GUCY1A2: variants seen among roughly 807,000 people sequenced by gnomAD.
The protein encoded by GUCY1A2 is guanylate cyclase soluble subunit alpha-2.
GUCY1A2 carries 27 observed loss-of-function variants against 63.5 expected under a neutral mutation model. That is an observed-to-expected ratio of 0.43 (90% CI 0.31 to 0.59). GUCY1A2 has a LOEUF of 0.59. Ranked by LOEUF, GUCY1A2 falls within the 20% of genes least tolerant of loss-of-function variation. The probability of loss-of-function intolerance (pLI) is 0.11; values close to 1 mark genes in which losing one functional copy is unlikely to be tolerated. For synonymous variants in GUCY1A2, 364 were observed against 343.5 expected, an observed-to-expected ratio of 1.06 and a Z score of -0.66; for missense variants, 768 against 913.3, an observed-to-expected ratio of 0.84 and a Z score of 2.05.
chr11:106,674,514 T>G lies in GUCY1A2; in HGVS notation c.*13035A>C, dbSNP rs1186962631. On this transcript the variant is annotated 3_prime_UTR_variant, in exon 8 of 8. Transcript: ENST00000526355. The stretch of plus-strand genomic sequence containing the variant: ...TAATATGAAATACCAAATGAAACTT[T>G]TTTAAAATTAATGGTACAGGTTTAA... 1 of 179,044 alleles carries G rather than the reference T, an allele frequency of 5.6e-6. No individual in the cohort carries two copies. The highest frequency in any genetic ancestry group is 1.2e-5 in the Non-Finnish European group (1 of 83,694). 11.1% of individuals were successfully genotyped at this position (179,044 alleles called of 1,614,324 possible).
chr11:106,809,058 C>T (rs1451456027), intron 5 of GUCY1A2, among the ~76,000 whole-genome samples: 5 of 152,044 alleles, frequency 3.3e-5, no homozygotes, highest in African/African-American at 1.2e-4. Flanking sequence ...CAAGAAGACA[C>T]ACCTTCATAA....
intron 4 of GUCY1A2, among the ~76,000 whole-genome samples, chr11:106,932,184 C>A (rs901457598): frequency 7.2e-5 from 11 of 152,038 alleles, no homozygotes; most frequent in African/African-American, 2.4e-4. Flanking sequence ...AAAATCTGAT[C>A]TCCAATAGGA....
chr11:106,726,243 C>T (rs1369382274), intron 6 of GUCY1A2, among the ~76,000 whole-genome samples: 2 of 151,940 alleles, frequency 1.3e-5, no homozygotes, highest in African/African-American at 4.8e-5. Context: ...GGTAAAACCT[C>T]GTCTCTACTA....
intron 3 of GUCY1A2, among the ~76,000 whole-genome samples, chr11:106,958,245 GACT>G (rs1362881769): frequency 6.6e-6 from 1 of 152,140 alleles, no homozygotes; most frequent in Non-Finnish European, 1.5e-5. Flanking sequence ...ATGAGAACTT[GACT>G]GATAACCAGT....
intron 6 of GUCY1A2, among the ~76,000 whole-genome samples, chr11:106,755,018 A>G (rs1251243021): frequency 6.6e-6 from 1 of 152,046 alleles, no homozygotes; most frequent in African/African-American, 2.4e-5. Context: ...TTATTGCCTC[A>G]ATTTGAGAAA....
At position 107,013,592 on chromosome 11, in the gene GUCY1A2, G is replaced by A. The variant is rs141341550; in HGVS notation, c.303+4161C>T. 6.8e-4 allele frequency among the ~76,000 whole-genome samples: 103 copies of A among 152,248 alleles called. No individual in the cohort carries two copies. The Middle Eastern group carries it at 0.017, about 25-fold the overall frequency. On this transcript the variant is annotated intron_variant, in intron 1 of 7. Transcript: ENST00000526355. ...AGACAGAGTCTCGCTGTCACCCAGG[G>A]TCTGGAGTGCAGTGGTGTGATCTCA...
intron 1 of GUCY1A2, among the ~76,000 whole-genome samples, chr11:107,016,217 G>C (rs1861821468): frequency 6.6e-6 from 1 of 152,218 alleles, no homozygotes; most frequent in African/African-American, 2.4e-5. Context: ...TCAGTGTTCA[G>C]ATTCATTTCG....
chr11:106,831,425 C>T (rs780353879), intron 4 of GUCY1A2, among the ~76,000 whole-genome samples: 10 of 152,084 alleles, frequency 6.6e-5, no homozygotes, highest in African/African-American at 9.6e-5. Context: ...TGCCCCAAGA[C>T]GGGTAAAGGA....
Position 106,859,917 on chromosome 11 carries a change from G to GATA in GUCY1A2, c.1207-49440_1207-49439insTAT, listed in dbSNP as rs1859486283. ...TGTGTAAGTATACTCTATGATACTT[G>GATA]CACAATGATGAAATCACCTAAAAAT... On this transcript the variant is annotated intron_variant, in intron 4 of 7. Coordinates refer to ENST00000526355, the MANE Select transcript of GUCY1A2 (RefSeq NM_000855.3). Among the ~76,000 whole-genome samples the GATA allele has an allele frequency of 1.3e-4, 20 of 151,958 alleles. No homozygotes were observed. The South Asian group carries it at 4.1e-3, about 31-fold the overall frequency.
At chr11:106,762,978 T>G (rs1864090956) in intron 6 of GUCY1A2, among the ~76,000 whole-genome samples, 1 of 152,112 alleles carries the variant, frequency 6.6e-6, no homozygotes, top group Admixed American at 6.6e-5. Context: ...ACCAAATATA[T>G]AAGTGAGAAT....
rs1862368892 is a variant in GUCY1A2 at position 106,677,717 on chromosome 11, G to A, written c.*9832C>T. On this transcript the variant is annotated 3_prime_UTR_variant, in exon 8 of 8. Transcript: ENST00000526355. ...ACCATCTATTTTCAGCTTGCCTCTA[G>A]GTTAACAGGATTAGACAACAGACCT... is the stretch of plus-strand genomic sequence containing the variant. The A allele has an allele frequency of 4.7e-6, 1 of 210,592 alleles. No individual in the cohort carries two copies. Among genetic ancestry groups the A allele is most frequent in the East Asian group, 7.1e-5 (1 of 14,182 alleles). The allele number at this position is 210,592 out of a possible 1,614,324, so 13.0% of individuals were successfully genotyped here.
rs185189465 is a variant in GUCY1A2, at chr11:106,969,218, A to G, written c.487+9401T>C. Among the ~76,000 whole-genome samples, 6 of 152,308 alleles carry G rather than the reference A, an allele frequency of 3.9e-5. No homozygotes were observed. The Middle Eastern group carries it at 0.01, about 259-fold the overall frequency. The stretch of plus-strand genomic sequence containing the variant: ...TTAATTTAAATAAATTACAATAGAA[A>G]TGCTGTCAAAAGTACTTAAAATTGA... On this transcript the variant is annotated intron_variant, in intron 3 of 7. Transcript: ENST00000526355.
intron 6 of GUCY1A2, among the ~76,000 whole-genome samples, chr11:106,744,624 T>G (rs960109729): frequency 1.3e-5 from 2 of 152,198 alleles, no homozygotes; most frequent in African/African-American, 4.8e-5. Context: ...TGTCTTATAA[T>G]AAGTTTGTTT....
intron 4 of GUCY1A2, among the ~76,000 whole-genome samples, chr11:106,873,469 G>C (rs1313434232): frequency 6.6e-6 from 1 of 152,104 alleles, no homozygotes; most frequent in Non-Finnish European, 1.5e-5. Flanking sequence ...ATTTTGACTG[G>C]TATGAGATGG....
rs1468082598 is a variant in GUCY1A2, at chr11:106,680,054, A to G, written c.*7495T>C. On this transcript the variant is annotated 3_prime_UTR_variant, in exon 8 of 8. Transcript: ENST00000526355. ...TAAACCAGAGGTGTTTGTTACGGAAATTGCCTCTCCTTTAAGAGTCTCTAC... is the reference window on the plus strand; with the variant it reads ...TAAACCAGAGGTGTTTGTTACGGAAGTTGCCTCTCCTTTAAGAGTCTCTAC... 4 of 215,474 alleles carry G rather than the reference A, an allele frequency of 1.9e-5. No individual in the cohort carries two copies. Among genetic ancestry groups the G allele is most frequent in the Non-Finnish European group, 3.7e-5 (4 of 106,852 alleles). 13.3% of individuals were successfully genotyped at this position (215,474 alleles called of 1,614,324 possible).
intron 4 of GUCY1A2, among the ~76,000 whole-genome samples, chr11:106,855,442 A>T (rs1394328969): frequency 1.3e-5 from 2 of 151,822 alleles, no homozygotes; most frequent in East Asian, 3.9e-4. Context: ...TAGATACTCT[A>T]TTCAATGTGT....
intron 3 of GUCY1A2, among the ~76,000 whole-genome samples, chr11:106,964,071 C>A (rs184050388): frequency 5.3e-5 from 8 of 151,456 alleles, no homozygotes; most frequent in Admixed American, 2.0e-4. Flanking sequence ...ACACACACAC[C>A]CACACATCAT....
intron 6 of GUCY1A2, among the ~76,000 whole-genome samples, chr11:106,762,807 GTTTTC>G (rs1170948623): frequency 1.3e-5 from 2 of 151,976 alleles, no homozygotes; most frequent in African/African-American, 4.8e-5. Context: ...TGCCAGTATA[GTTTTC>G]TTTTATGGTC....
At chr11:106,699,938 C>CG (rs1190551447) in intron 7 of GUCY1A2, among the ~76,000 whole-genome samples, 1 of 151,886 alleles carries the variant, frequency 6.6e-6, no homozygotes, top group Non-Finnish European at 1.5e-5. Flanking sequence ...CCCGTCCCCT[C>CG]GCCTGGCTAA....
Sources: gnomAD v4.1 joint callset for allele counts (sites outside exome capture counted in the v4.1 genomes callset) on GRCh38, gnomAD v4.1.1 for gene constraint, MANE v1.5 for transcripts, NCBI Gene and HGNC (gene_info 2026-07-23, HGNC 2026-07-21) for gene names.